Variants in EFHD1 observed in about 807,000 individuals in gnomAD.
EFHD1 encodes EF-hand domain-containing protein D1.
In EFHD1, 10 loss-of-function variants were observed where a neutral mutation model predicts 17.2. That is an observed-to-expected ratio of 0.58 (90% CI 0.36 to 0.99). The LOEUF (loss-of-function observed/expected upper bound fraction) is 0.99. Among genes scored for constraint, EFHD1 ranks in the 50% least tolerant of loss-of-function variants. The pLI is 0.01. For missense variants in EFHD1, 310 were observed against 327.5 expected (o/e 0.95, Z 0.41); for synonymous variants, 153 against 142.0 (o/e 1.08, Z -0.55).
At chr2:232,658,159 T>C (rs1694796535) in intron 1 of EFHD1, among the ~76,000 whole-genome samples, 1 of 152,006 alleles carries the variant, frequency 6.6e-6, no homozygotes, top group South Asian at 2.1e-4. Context: ...CACCTCGGCC[T>C]CACAAAGTGC....
chr2:232,678,760 G>A (rs572256844), intron 3 of EFHD1, among the ~76,000 whole-genome samples: 1 of 152,162 alleles, frequency 6.6e-6, no homozygotes, highest in Non-Finnish European at 1.5e-5. Flanking sequence ...TCTAGCCTGG[G>A]CAAAGAGAGC....
intron 1 of EFHD1, among the ~76,000 whole-genome samples, chr2:232,642,373 CAAAAAAAAAAA>C (rs764647177): frequency 1.0e-4 from 7 of 68,970 alleles, no homozygotes; most frequent in East Asian, 6.0e-4. Flanking sequence ...GACTCTGTCT[CAAAAAAAAAAA>C]AAAAAAAAAA....
intron 1 of EFHD1, among the ~76,000 whole-genome samples, chr2:232,621,198 G>A (rs1347424300): frequency 6.6e-6 from 1 of 152,194 alleles, no homozygotes; most frequent in African/African-American, 2.4e-5. Context: ...TAGCAGGGAT[G>A]TGGGTGAAGG....
chr2:232,675,979 C>A (rs1218094249), intron 3 of EFHD1, among the ~76,000 whole-genome samples: 1 of 152,056 alleles, frequency 6.6e-6, no homozygotes, highest in Non-Finnish European at 1.5e-5. Context: ...AGTTTGAGAC[C>A]AGCCTGGCCA....
intron 1 of EFHD1, among the ~76,000 whole-genome samples, chr2:232,657,683 C>T (rs551808459): frequency 1.5e-4 from 23 of 151,296 alleles, no homozygotes; most frequent in African/African-American, 5.3e-4. Context: ...TGGTGGTGGG[C>T]GCCTGTAATC....
At chr2:232,624,917 A>G (rs932523187) in intron 1 of EFHD1, among the ~76,000 whole-genome samples, 1 of 152,130 alleles carries the variant, frequency 6.6e-6, no homozygotes, top group Non-Finnish European at 1.5e-5. Flanking sequence ...CACCGACTCC[A>G]TGATGCCCCT....
chr2:232,619,269 G>T (rs1287491365), intron 1 of EFHD1, among the ~76,000 whole-genome samples: 1 of 151,340 alleles, frequency 6.6e-6, no homozygotes, highest in Admixed American at 6.6e-5. Context: ...GTTGCCAGGG[G>T]ATGGGAGGAG....
At chr2:232,634,909 G>A (rs1321898209) in intron 1 of EFHD1, among the ~76,000 whole-genome samples, 2 of 152,214 alleles carry the variant, frequency 1.3e-5, no homozygotes, top group African/African-American at 4.8e-5. Context: ...TGAGGCCGCC[G>A]GCCAGGTCAT....
At chr2:232,628,845 G>C (rs1026055338), upstream of EFHD1, among the ~76,000 whole-genome samples, 18 of 152,284 alleles carry the variant, frequency 1.2e-4, no homozygotes, top group East Asian at 1.9e-4. Context: ...TTGGCCTATA[G>C]AGTTCAGCTA....
intron 3 of EFHD1, among the ~76,000 whole-genome samples, chr2:232,680,708 C>A (rs991974133): frequency 9.9e-5 from 15 of 152,214 alleles, no homozygotes; most frequent in African/African-American, 3.4e-4. Context: ...AGGATTTCAC[C>A]ATGTTGGCCA....
chr2:232,663,031 G>T, intron 2 of EFHD1, 82 bp downstream of exon 2: 1 of 1,429,216 alleles, frequency 7.0e-7, no homozygotes, highest in South Asian at 1.6e-5. Flanking sequence ...GAGCACAAAT[G>T]GGTTTGGCCT....
At chr2:232,648,131 A>G (rs1383662667) in intron 1 of EFHD1, among the ~76,000 whole-genome samples, 1 of 152,158 alleles carries the variant, frequency 6.6e-6, no homozygotes, top group Non-Finnish European at 1.5e-5. Context: ...GGTCCCAGCT[A>G]GGCAGGAGGC....
At chr2:232,609,305 C>T (rs1693772520) in intron 1 of EFHD1, among the ~76,000 whole-genome samples, 1 of 152,046 alleles carries the variant, frequency 6.6e-6, no homozygotes, top group South Asian at 2.1e-4. Flanking sequence ...AGGTGATCTG[C>T]CTGCTTCAGC....
chr2:232,621,857 A>T (rs1407104343), intron 1 of EFHD1, among the ~76,000 whole-genome samples: 1 of 152,206 alleles, frequency 6.6e-6, no homozygotes, highest in Non-Finnish European at 1.5e-5. Context: ...CAGGATTTAT[A>T]CAATTCCTCT....
At chr2:232,642,081 T>A (rs1368518837) in intron 1 of EFHD1, among the ~76,000 whole-genome samples, 1 of 152,046 alleles carries the variant, frequency 6.6e-6, no homozygotes, top group African/African-American at 2.4e-5. Flanking sequence ...GCTTAAAAAC[T>A]CCCAATGAAA....
intron 1 of EFHD1, among the ~76,000 whole-genome samples, chr2:232,607,308 G>A (rs372647878): frequency 1.3e-5 from 2 of 151,832 alleles, no homozygotes; most frequent in South Asian, 2.1e-4. Flanking sequence ...CGGTCGGGCT[G>A]GGCGCGGTGG....
intron 2 of EFHD1, among the ~76,000 whole-genome samples, chr2:232,670,621 TAAATA>T (rs1695047991): frequency 6.7e-6 from 1 of 149,304 alleles, no homozygotes; most frequent in South Asian, 2.1e-4. Context: ...CCTCACATGA[TAAATA>T]AAAATAAATT....
intron 1 of EFHD1, chr2:232,606,612 G>A: frequency 5.0e-6 from 1 of 201,128 alleles, no homozygotes; most frequent in Non-Finnish European, 1.1e-5. Flanking sequence ...GTGCGACCGG[G>A]CGCGGTGGCT....
rs146081195 is a variant in EFHD1 at position 232,623,730 on chromosome 2, A to G, written c.14+17557A>G. Among the ~76,000 whole-genome samples the G allele has an allele frequency of 3.0e-4, 45 of 151,990 alleles. No individual in the cohort carries two copies. In the East Asian group the frequency reaches 7.1e-3, roughly 24 times the overall value. ...AAGAAGAAGAAGAAAGAAAGAAAGA[A>G]AAAAAAGAAATAGCTCATTCTATTT... On this transcript the variant is annotated intron_variant, in intron 1 of 3. Transcript: ENST00000409613.
Sources: gnomAD v4.1 joint callset for allele counts (sites outside exome capture counted in the v4.1 genomes callset) on GRCh38, gnomAD v4.1.1 for gene constraint, MANE v1.5 for transcripts, NCBI Gene and HGNC (gene_info 2026-07-23, HGNC 2026-07-21) for gene names.